TRAPPC9: variants seen among roughly 807,000 people sequenced by gnomAD.
TRAPPC9 encodes the protein IKK2 binding protein.
A neutral mutation model predicts 124.0 loss-of-function variants in TRAPPC9; 83 were observed. The observed-to-expected ratio is 0.67, with a 90% CI of 0.56 to 0.80. TRAPPC9 has a LOEUF of 0.80. Among genes scored for constraint, TRAPPC9 ranks in the 30% least tolerant of loss-of-function variants. The pLI is 0.00. For synonymous variants in TRAPPC9, 638 were observed against 617.5 expected (o/e 1.03, Z -0.49); for missense variants, 1,302 against 1,508.3 (o/e 0.86, Z 2.27).
intron 17 of TRAPPC9, among the ~76,000 whole-genome samples, chr8:140,133,549 GT>G (rs1459654485): frequency 6.6e-6 from 1 of 152,202 alleles, no homozygotes. Context: ...CCGAATCAGA[GT>G]CTTCCTCAGA....
chr8:139,822,902 C>A (rs1433884528), intron 21 of TRAPPC9, among the ~76,000 whole-genome samples: 3 of 152,214 alleles, frequency 2.0e-5, no homozygotes, highest in Non-Finnish European at 4.4e-5. Context: ...GGCTACAAGT[C>A]CAAGACCAAG....
intron 21 of TRAPPC9, among the ~76,000 whole-genome samples, chr8:139,733,295 T>A (rs1274605964): frequency 6.6e-6 from 1 of 152,068 alleles, no homozygotes; most frequent in African/African-American, 2.4e-5. Context: ...CCCTAGGAAC[T>A]GAAGGAGGGA....
chr8:139,857,628 G>A (rs931035253), intron 21 of TRAPPC9, among the ~76,000 whole-genome samples: 1 of 152,238 alleles, frequency 6.6e-6, no homozygotes, highest in African/African-American at 2.4e-5. Context: ...TCCGTATGGT[G>A]CCCTCTGAGA....
intron 21 of TRAPPC9, among the ~76,000 whole-genome samples, chr8:139,736,938 G>A (rs1818211643): frequency 6.6e-6 from 1 of 152,188 alleles, no homozygotes; most frequent in Admixed American, 6.5e-5. Context: ...TATAAGAGGA[G>A]AGAAGAGAAG....
intron 9 of TRAPPC9, among the ~76,000 whole-genome samples, chr8:140,350,318 C>T (rs1256345031): frequency 6.6e-6 from 1 of 152,142 alleles, no homozygotes; most frequent in Admixed American, 6.5e-5. Flanking sequence ...GACAAGCAGC[C>T]CATGACAAGA....
intron 21 of TRAPPC9, among the ~76,000 whole-genome samples, chr8:139,822,480 G>A (rs139951161): frequency 4.6e-5 from 7 of 152,274 alleles, no homozygotes; most frequent in Admixed American, 6.5e-5. Flanking sequence ...TGAGGACACC[G>A]ACACTGGCAA....
rs184804484 is a variant in TRAPPC9, at chr8:140,108,027, G to A, written c.2557-83948C>T. ...TATATGCATGTAGATATGAGGATACGTGTGTTTATACATAGACAGGTTATC... is the reference window on the plus strand; with the variant it reads ...TATATGCATGTAGATATGAGGATACATGTGTTTATACATAGACAGGTTATC... On this transcript the variant is annotated intron_variant, in intron 17 of 22. Coordinates refer to ENST00000438773, the MANE Select transcript of TRAPPC9 (RefSeq NM_001160372.4). Among the ~76,000 whole-genome samples, 34 of 150,558 alleles carry A rather than the reference G, an allele frequency of 2.3e-4. No homozygotes were observed. The East Asian group carries it at 2.6e-3, about 11-fold the overall frequency.
intron 16 of TRAPPC9, among the ~76,000 whole-genome samples, chr8:140,245,512 T>C (rs1328050106): frequency 6.6e-6 from 1 of 152,122 alleles, no homozygotes; most frequent in East Asian, 1.9e-4. Context: ...ACACATAATT[T>C]AAAGTTTACC....
chr8:140,368,054 T>A (rs1278493659), intron 8 of TRAPPC9, among the ~76,000 whole-genome samples: 1 of 152,178 alleles, frequency 6.6e-6, no homozygotes. Flanking sequence ...CCAGGTCTCC[T>A]CTATTCTGCA....
intron 19 of TRAPPC9, among the ~76,000 whole-genome samples, chr8:139,943,528 C>G (rs1834033427): frequency 6.6e-6 from 1 of 152,086 alleles, no homozygotes; most frequent in Non-Finnish European, 1.5e-5. Flanking sequence ...TAAGAAGAAC[C>G]AAGAAACTGA....
intron 17 of TRAPPC9, among the ~76,000 whole-genome samples, chr8:140,171,837 G>A (rs1418406947): frequency 6.6e-6 from 1 of 152,196 alleles, no homozygotes; most frequent in Non-Finnish European, 1.5e-5. Flanking sequence ...TCTGGGGTAG[G>A]AGTATGGCCG....
rs1332983845 is a variant in TRAPPC9 at position 139,984,896 on chromosome 8, C to T, written c.2810+3830G>A. On this transcript the variant is annotated intron_variant, in intron 19 of 22. Transcript: ENST00000438773. This position sits in a 1 kb window ranked among gnomAD's most constrained non-coding sequence, Gnocchi z 4.3. ...GTTCACCCAACGCTCCCACCCGGCCCGGGACAGCAAGATGCCCTTGTCAGG... is the reference window on the plus strand; with the variant it reads ...GTTCACCCAACGCTCCCACCCGGCCTGGGACAGCAAGATGCCCTTGTCAGG... 3.9e-5 allele frequency among the ~76,000 whole-genome samples: 6 copies of T among 152,242 alleles called. No individual in the cohort carries two copies. The highest frequency in any genetic ancestry group is 1.2e-4 in the African/African-American group (5 of 41,550).
rs553905688 is a variant in TRAPPC9, at chr8:140,052,690, G to A, written c.2557-28611C>T. On this transcript the variant is annotated intron_variant, in intron 17 of 22. Coordinates refer to ENST00000438773, the MANE Select transcript of TRAPPC9 (RefSeq NM_001160372.4). The stretch of plus-strand genomic sequence containing the variant: ...CCAGCTACTCAGGAGGCTGAGGCAG[G>A]AGAATTGCTTGAACCCGGGAAGCAG... 3.0e-4 allele frequency among the ~76,000 whole-genome samples: 45 copies of A among 152,154 alleles called. No individual in the cohort carries two copies. In the East Asian group the frequency reaches 7.9e-3, roughly 27 times the overall value.
rs775482502 is a variant in TRAPPC9, at chr8:140,360,197, C to T, written c.1352-4G>A. The T allele has an allele frequency of 4.3e-6, 7 of 1,614,024 alleles. No individual in the cohort carries two copies. Among genetic ancestry groups the T allele is most frequent in the South Asian group, 2.2e-5 (2 of 91,076 alleles). On this transcript the variant is annotated splice_polypyrimidine_tract_variant and splice_region_variant and intron_variant, in intron 8 of 22. Transcript: ENST00000438773. Reference sequence around the variant, plus strand: ...GCAGCCCAGCCTCTGTGCGTGCCTGCGATGGAAGTTACAAAACATCACAAA... The same window carrying T: ...GCAGCCCAGCCTCTGTGCGTGCCTGTGATGGAAGTTACAAAACATCACAAA...
At chr8:140,023,063 G>A (rs1398177876) in intron 18 of TRAPPC9, among the ~76,000 whole-genome samples, 3 of 152,034 alleles carry the variant, frequency 2.0e-5, no homozygotes, top group Non-Finnish European at 2.9e-5. Context: ...CGCCCCCTTC[G>A]AGGATAGACA....
intron 21 of TRAPPC9, among the ~76,000 whole-genome samples, chr8:139,803,039 T>G (rs900275384): frequency 6.6e-6 from 1 of 151,948 alleles, no homozygotes; most frequent in Non-Finnish European, 1.5e-5. Context: ...CGTGTGTGTA[T>G]GTGAAGGTGT....
At chr8:139,824,610 G>T (rs773878756) in intron 21 of TRAPPC9, among the ~76,000 whole-genome samples, 1 of 151,978 alleles carries the variant, frequency 6.6e-6, no homozygotes, top group Non-Finnish European at 1.5e-5. Flanking sequence ...ACCCAGGCTG[G>T]AGTGCAGTGG....
chr8:139,800,430 G>A (rs1040811315), intron 21 of TRAPPC9, among the ~76,000 whole-genome samples: 2 of 152,242 alleles, frequency 1.3e-5, no homozygotes, highest in Admixed American at 1.3e-4. Flanking sequence ...CCAAGAGCAG[G>A]GTTTCTGGTG....
At chr8:140,068,523 T>G (rs1033805220) in intron 17 of TRAPPC9, among the ~76,000 whole-genome samples, 3 of 152,216 alleles carry the variant, frequency 2.0e-5, no homozygotes, top group Non-Finnish European at 4.4e-5. Flanking sequence ...TTAAATAAGT[T>G]TCACTTTCAA....
Sources: gnomAD v4.1 joint callset for allele counts (sites outside exome capture counted in the v4.1 genomes callset) on GRCh38, gnomAD v4.1.1 for gene constraint, Gnocchi (gnomAD v3.1) non-coding constraint, MANE v1.5 for transcripts, NCBI Gene and HGNC (gene_info 2026-07-23, HGNC 2026-07-21) for gene names.